The following TERF1 variants were observed in gnomAD, a reference collection of about 807,000 sequenced individuals.
The protein encoded by TERF1 is telomeric repeat binding factor 1, also known as telomeric repeat-binding factor 1.
TERF1 carries 20 observed loss-of-function variants against 55.1 expected under a neutral mutation model. The ratio of observed to expected loss-of-function variants is 0.36; its 90% CI spans 0.26 to 0.53. TERF1 has a LOEUF of 0.53. TERF1 is among the 20% of genes least tolerant of loss of function. TERF1 has a pLI of 0.91. For missense variants in TERF1, 439 were observed against 535.7 expected (o/e 0.82, Z 1.78); for synonymous variants, 168 against 181.2 (o/e 0.93, Z 0.59).
intron 8 of TERF1, chr8:73,038,724 C>CT: frequency 1.0e-6 from 1 of 958,604 alleles, no homozygotes; most frequent in Non-Finnish European, 1.2e-6. Flanking sequence ...ATTTGTCTTA[C>CT]CAAACTGACT....
chr8:73,009,237 C>T (rs2094716873), intron 1 of TERF1, 32 bp downstream of exon 1: 1 of 1,582,236 alleles, frequency 6.3e-7, no homozygotes, highest in Non-Finnish European at 8.6e-7. Context: ...GCCGGGACTA[C>T]GCGGGGGGCG....
chr8:73,023,938 A>G (rs1258952751), intron 4 of TERF1, among the ~76,000 whole-genome samples: 8 of 152,224 alleles, frequency 5.3e-5, no homozygotes, highest in African/African-American at 1.2e-4. Context: ...ACTTCTAGAC[A>G]ATACCTTAGA....
At chr8:73,033,026 CT>C (rs1809359613) in intron 8 of TERF1, among the ~76,000 whole-genome samples, 1 of 141,132 alleles carries the variant, frequency 7.1e-6, no homozygotes, top group Non-Finnish European at 1.5e-5. Context: ...CCCCTCCCCC[CT>C]GAGATTTTTA....
At chr8:73,028,302 TTGCCTCTCTACACCC>T (rs1473037792) in intron 6 of TERF1, among the ~76,000 whole-genome samples, 16 of 152,268 alleles carry the variant, frequency 1.1e-4, no homozygotes, top group Non-Finnish European at 1.8e-4. Flanking sequence ...ATGTTCTCAT[TTGCCTCTCTACACCC>T]TGCCTCTCTT....
At chr8:73,016,415 C>T (rs1808504173) in intron 2 of TERF1, among the ~76,000 whole-genome samples, 1 of 151,748 alleles carries the variant, frequency 6.6e-6, no homozygotes, top group Non-Finnish European at 1.5e-5. Flanking sequence ...TGCTTGTCAT[C>T]CTCCTCTTAT....
At chr8:73,010,610 G>A (rs1808244344) in intron 1 of TERF1, 1 of 152,226 alleles carries the variant, frequency 6.6e-6, no homozygotes, top group African/African-American at 2.4e-5. Context: ...TTACAACTAA[G>A]TTTAGTTTAA....
Position 73,046,129 on chromosome 8 carries a change from G to A in TERF1, c.1312G>A (p.Glu438Lys), listed in dbSNP as rs145702999. The A allele has an allele frequency of 6.6e-4, 1,053 of 1,587,568 alleles. 1 individual carries two copies. The highest frequency in any genetic ancestry group is 8.5e-4 in the Non-Finnish European group (994 of 1,169,854). The change falls in exon 10 of 10, where the codon GAA becomes AAA. Residue 438 changes from glutamate (E) to lysine (K), a missense_variant. Physicochemically the swap from Glu to Lys is moderately conservative, Grantham distance 56. Transcript: ENST00000276603. Reference protein sequence around the residue: ...KKLKLISSDSED With the variant: ...KKLKLISSDSKD ...ACTAAAACTGATTTCCTCAGACAGC[G>A]AAGACTGATTGTGTTTGTAAAAGCT...
chr8:73,016,101 C>G (rs931984503), intron 2 of TERF1, among the ~76,000 whole-genome samples: 1 of 152,126 alleles, frequency 6.6e-6, no homozygotes. Flanking sequence ...CTGGGCAGCA[C>G]AGCAAGGCCC....
At chr8:73,009,248 G>A (rs747745639) in intron 1 of TERF1, 43 bp downstream of exon 1, 1 of 1,573,024 alleles carries the variant, frequency 6.4e-7, no homozygotes, top group East Asian at 2.3e-5. Flanking sequence ...GCGGGGGGCG[G>A]ATGCGGGCTC....
chr8:73,014,120 GGTGT>G (rs753694239), intron 2 of TERF1, 130 bp downstream of exon 2: 113 of 644,212 alleles, frequency 1.8e-4, no homozygotes, highest in Middle Eastern at 3.3e-4. Flanking sequence ...GTGGGGGGGT[GGTGT>G]GTGTGTGTGT....
chr8:73,045,673 C>T lies in TERF1; in HGVS notation c.1144-288C>T, dbSNP rs564754622. ...AATTGTAGAAGAGCATTTTAAGAGA[C>T]AGTGTGGGCTTAAAGTCAGACAAAT... On this transcript the variant is annotated intron_variant, in intron 9 of 9. Coordinates refer to ENST00000276603, the MANE Select transcript of TERF1 (RefSeq NM_017489.3). Among the ~76,000 whole-genome samples, 36 of 152,218 alleles carry T rather than the reference C, an allele frequency of 2.4e-4. No homozygotes were observed. In the South Asian group the frequency reaches 5.6e-3, roughly 24 times the overall value.
intron 8 of TERF1, among the ~76,000 whole-genome samples, chr8:73,037,799 A>AATAATATATATATTATAT: frequency 1.1e-5 from 1 of 94,170 alleles, no homozygotes; most frequent in African/African-American, 5.3e-5. Flanking sequence ...TATATAGTAT[A>AATAATATATATATTATAT]ATAATATATA....
chr8:73,022,969 A>G lies in TERF1; in HGVS notation c.624+667A>G, dbSNP rs564982071. Among the ~76,000 whole-genome samples, 11 of 152,316 alleles carry G rather than the reference A, an allele frequency of 7.2e-5. No individual in the cohort carries two copies. In the East Asian group the frequency reaches 1.9e-3, roughly 27 times the overall value. On this transcript the variant is annotated intron_variant, in intron 4 of 9. Transcript: ENST00000276603. ...AATAATAAAATAGTATAGTATTTGC[A>G]TATAACATATGTACATCCTCCTGTA...
At chr8:73,017,788 C>T (rs1208174244) in intron 2 of TERF1, among the ~76,000 whole-genome samples, 2 of 151,726 alleles carry the variant, frequency 1.3e-5, no homozygotes, top group African/African-American at 2.4e-5. Flanking sequence ...CTGCAACCTC[C>T]GCCTCCCGGG....
chr8:73,011,735 T>G (rs1808288569), intron 1 of TERF1: 1 of 152,374 alleles, frequency 6.6e-6, no homozygotes, highest in Non-Finnish European at 1.5e-5. Context: ...TTCCAACTTT[T>G]CTTTTGCAAT....
intron 3 of TERF1, among the ~76,000 whole-genome samples, chr8:73,021,704 A>G (rs1176451925): frequency 6.6e-6 from 1 of 152,202 alleles, no homozygotes; most frequent in East Asian, 1.9e-4. Context: ...CCCAAATGGT[A>G]AGTGGTCCTG....
intron 1 of TERF1, among the ~76,000 whole-genome samples, chr8:73,013,095 T>C (rs926201808): frequency 7.2e-5 from 11 of 152,236 alleles, no homozygotes; most frequent in East Asian, 1.9e-4. Context: ...ATTCGTCTTA[T>C]ATGCTTAATT....
rs1222667242 is a variant in TERF1, at chr8:73,013,999, GT to G, written c.415+16del. 3.1e-5 allele frequency: 49 copies of G among 1,565,842 alleles called. No individual in the cohort carries two copies. Among genetic ancestry groups the G allele is most frequent in the Non-Finnish European group, 3.9e-5 (45 of 1,141,112 alleles). Reference sequence around the variant, plus strand: ...AGCAGGAAAAACCCTTGGTAAATATGTTTTTTTATTTTATATTGGAAATATT... The same window carrying G: ...AGCAGGAAAAACCCTTGGTAAATATGTTTTTTATTTTATATTGGAAATATT... On this transcript the variant is annotated intron_variant, in intron 2 of 9. Coordinates refer to ENST00000276603, the MANE Select transcript of TERF1 (RefSeq NM_017489.3).
intron 7 of TERF1, chr8:73,030,633 T>C (rs1362925814): frequency 2.9e-6 from 1 of 344,380 alleles, no homozygotes; most frequent in East Asian, 4.4e-5. Context: ...AATACACATA[T>C]AGGGAGTTCT....
Sources: gnomAD v4.1 joint callset for allele counts (sites outside exome capture counted in the v4.1 genomes callset) on GRCh38, gnomAD v4.1.1 for gene constraint, MANE v1.5 for transcripts, NCBI Gene and HGNC (gene_info 2026-07-23, HGNC 2026-07-21) for gene names.